The following ZNF469 variants were observed in gnomAD, a reference collection of about 807,000 sequenced individuals.
The protein encoded by ZNF469 is zinc finger protein 469.
In ZNF469, 1 loss-of-function variant was observed where a neutral mutation model predicts 1.0. That is an observed-to-expected ratio of 1.00 (90% CI 0.35 to 4.73). The LOEUF is 4.73. Among genes scored for constraint, ZNF469 ranks in the 30% most tolerant of loss-of-function variants. The probability of loss-of-function intolerance (pLI) is 0.16; values close to 1 mark genes in which losing one functional copy is unlikely to be tolerated. For missense variants in ZNF469, 6,100 were observed against 5,356.3 expected (o/e 1.14, Z -4.33); for synonymous variants, 2,703 against 2,363.4 (o/e 1.14, Z -4.17).
chr16:88,173,821 A>G, the ZNF469 span, among the ~76,000 whole-genome samples: 2 of 152,320 alleles, frequency 1.3e-5, no homozygotes, highest in East Asian at 3.9e-4. Flanking sequence ...AGAACATTCA[A>G]TAAAAATTAA....
chr16:88,419,719 C>T (rs1213950449), intron 1 of ZNF469, among the ~76,000 whole-genome samples: 1 of 152,228 alleles, frequency 6.6e-6, no homozygotes, highest in East Asian at 1.9e-4. Context: ...AGGAATGCCC[C>T]CAACGCCATG....
At chr16:88,137,696 G>T in the ZNF469 span, among the ~76,000 whole-genome samples, 1 of 152,236 alleles carries the variant, frequency 6.6e-6, no homozygotes, top group Non-Finnish European at 1.5e-5. Context: ...TATGCTATGA[G>T]CCATGGTAAC....
chr16:88,376,836 C>T, the ZNF469 span, among the ~76,000 whole-genome samples: 1 of 152,192 alleles, frequency 6.6e-6, no homozygotes, highest in African/African-American at 2.4e-5. Flanking sequence ...CAGAGAGGCT[C>T]CTAGGGCAGC....
At chr16:88,307,852 C>T in the ZNF469 span, among the ~76,000 whole-genome samples, 3 of 152,110 alleles carry the variant, frequency 2.0e-5, no homozygotes, top group Non-Finnish European at 4.4e-5. Flanking sequence ...TGAGAAAGTC[C>T]AGTTTATCTA....
In ZNF469 at chr16:88,427,961, C is replaced by T. The variant is rs755989926; in HGVS notation, c.491C>T (p.Pro164Leu). The T allele has an allele frequency of 4.1e-5, 64 of 1,549,970 alleles. No individual in the cohort carries two copies. Among genetic ancestry groups the T allele is most frequent in the Non-Finnish European group, 4.9e-5 (56 of 1,146,876 alleles). Residue 164 changes from proline to leucine, a missense_variant, in exon 3 of 3, where the codon CCG becomes CTG. Physicochemically the swap from Pro to Leu is moderately conservative, Grantham distance 98. Coordinates refer to ENST00000565624, the MANE Select transcript of ZNF469 (RefSeq NM_001367624.2). ...CCTGGGACTGGAGCTCCACTCAGGCCGGGCCTCCCAAGGACTGAGGCCCAA... is the reference window on the plus strand; with the variant it reads ...CCTGGGACTGGAGCTCCACTCAGGCTGGGCCTCCCAAGGACTGAGGCCCAA... ...QGPGTGAPLR[P>L]GLPRTEAQPA...
chr16:88,219,423 A>C, the ZNF469 span, among the ~76,000 whole-genome samples: 1 of 136,420 alleles, frequency 7.3e-6, no homozygotes, highest in Non-Finnish European at 1.6e-5. Flanking sequence ...AAACAGAGAT[A>C]TAGATCAATG....
intron 1 of ZNF469, among the ~76,000 whole-genome samples, chr16:88,403,603 C>T (rs1319381873): frequency 6.6e-6 from 1 of 152,248 alleles, no homozygotes; most frequent in Non-Finnish European, 1.5e-5. Context: ...GCGAGGGTGG[C>T]AGAGCAGCTG....
At chr16:88,146,165 G>T in the ZNF469 span, among the ~76,000 whole-genome samples, 1 of 152,232 alleles carries the variant, frequency 6.6e-6, no homozygotes, top group African/African-American at 2.4e-5. Flanking sequence ...AGGCTGCTCA[G>T]GCATCCATGC....
At chr16:88,417,047 A>G (rs1445432586) in intron 1 of ZNF469, among the ~76,000 whole-genome samples, 1 of 152,192 alleles carries the variant, frequency 6.6e-6, no homozygotes, top group Non-Finnish European at 1.5e-5. Context: ...GACAGCTCCA[A>G]GAGAAAGGCA....
chr16:88,243,358 C>G, the ZNF469 span, among the ~76,000 whole-genome samples: 1 of 152,210 alleles, frequency 6.6e-6, no homozygotes, highest in African/African-American at 2.4e-5. Context: ...CAGTCCCTGT[C>G]TACAAGAGGG....
the ZNF469 span, among the ~76,000 whole-genome samples, chr16:88,279,498 GCA>G: frequency 9.1e-4 from 134 of 147,476 alleles, no homozygotes; most frequent in African/African-American, 3.1e-3. Context: ...AGATATCAGT[GCA>G]CAGTTAGTGC....
chr16:88,231,596 C>T, the ZNF469 span, among the ~76,000 whole-genome samples: 1 of 152,266 alleles, frequency 6.6e-6, no homozygotes, highest in Non-Finnish European at 1.5e-5. The surrounding 1 kb of genome is among the most constrained non-coding windows in gnomAD (Gnocchi z 4.5). Context: ...CCTCTGAGGC[C>T]GTTGCACTCC....
the ZNF469 span, among the ~76,000 whole-genome samples, chr16:88,203,593 C>T: frequency 1.3e-5 from 2 of 152,192 alleles, no homozygotes; most frequent in African/African-American, 4.8e-5. Flanking sequence ...TGTCTCAGGG[C>T]CATGCTGCCT....
chr16:88,241,241 C>A, the ZNF469 span, among the ~76,000 whole-genome samples: 1 of 152,036 alleles, frequency 6.6e-6, no homozygotes, highest in Admixed American at 6.5e-5. The surrounding 1 kb of genome is among the most constrained non-coding windows in gnomAD (Gnocchi z 4.8). Context: ...CACCTGTAAT[C>A]CCAGCTACTT....
chr16:88,392,781 C>G (rs190926604), intron 1 of ZNF469, among the ~76,000 whole-genome samples: 8 of 152,362 alleles, frequency 5.3e-5, no homozygotes, highest in African/African-American at 1.9e-4. Context: ...TGGAAGACTC[C>G]TATTCATCCT....
chr16:88,360,873 C>T, the ZNF469 span, among the ~76,000 whole-genome samples: 11 of 152,140 alleles, frequency 7.2e-5, 1 homozygote, highest in Admixed American at 2.6e-4. Context: ...ACCTTTTTAG[C>T]CTCAGGGACC....
At chr16:88,132,477 G>C in the ZNF469 span, among the ~76,000 whole-genome samples, 1 of 152,234 alleles carries the variant, frequency 6.6e-6, no homozygotes, top group Non-Finnish European at 1.5e-5. Flanking sequence ...TGGGGCTCGA[G>C]AGACTGAGCC....
the ZNF469 span, among the ~76,000 whole-genome samples, chr16:88,336,892 C>T: frequency 9.5e-4 from 144 of 152,326 alleles, 3 homozygotes; most frequent in South Asian, 0.011. Context: ...CTGGCCACCC[C>T]GAGTCTACCA....
chr16:88,411,728 G>A (rs914353221), intron 1 of ZNF469, among the ~76,000 whole-genome samples: 1 of 152,176 alleles, frequency 6.6e-6, no homozygotes, highest in African/African-American at 2.4e-5. Flanking sequence ...TGCAGGGCCT[G>A]GGGCCTCTCA....
Sources: allele counts gnomAD v4.1 joint callset (sites outside exome capture counted in the v4.1 genomes callset), GRCh38; gene constraint gnomAD v4.1.1; non-coding constraint Gnocchi (gnomAD v3.1); transcripts MANE v1.5; gene names NCBI Gene and HGNC (gene_info 2026-07-23, HGNC 2026-07-21).